Variants in CACNA1H observed in about 807,000 individuals in gnomAD.
CACNA1H encodes the protein voltage-dependent T-type calcium channel subunit alpha-1H.
In CACNA1H, 149 loss-of-function variants were observed where a neutral mutation model predicts 192.5. The ratio of observed to expected loss-of-function variants is 0.77; its 90% CI spans 0.68 to 0.89. The LOEUF is 0.89. Among genes scored for constraint, CACNA1H ranks in the 40% least tolerant of loss-of-function variants. CACNA1H has a pLI of 0.00. For synonymous variants in CACNA1H, 2,202 were observed against 1,475.2 expected, an observed-to-expected ratio of 1.49 and a Z score of -11.29; for missense variants, 4,257 against 3,423.5, an observed-to-expected ratio of 1.24 and a Z score of -6.08.
Position 1,220,218 on chromosome 16 carries a change from CCAGCCGACGAGGAGGT to C in CACNA1H, c.6292_6307del (p.Asp2098ThrfsTer85). 6.3e-7 allele frequency: 1 copy of C among 1,575,016 alleles called. No homozygotes were observed. The highest frequency in any genetic ancestry group is 8.6e-7 in the Non-Finnish European group (1 of 1,165,352). ...CGGAGAGGAGGCCGAGGCCTCGGAC[CCAGCCGACGAGGAGGT>C]CAGCCACATCACCAGCTCCGCCTGC... On this transcript the variant is annotated frameshift_variant, in exon 35 of 35. Coordinates refer to ENST00000348261, the MANE Select transcript of CACNA1H (RefSeq NM_021098.3). LOFTEE classifies it low-confidence loss of function (END_TRUNC).
intron 2 of CACNA1H, among the ~76,000 whole-genome samples, chr16:1,168,683 G>A (rs531103618): frequency 6.6e-6 from 1 of 152,178 alleles, no homozygotes; most frequent in South Asian, 2.1e-4. Flanking sequence ...GAGCCTGCTG[G>A]GCCCCACTCA....
intron 2 of CACNA1H, chr16:1,159,632 C>T (rs1165520017): frequency 6.6e-6 from 1 of 152,192 alleles, no homozygotes; most frequent in African/African-American, 2.4e-5. Flanking sequence ...ACAACTGCTC[C>T]TTAGGGAGGG....
chr16:1,173,563 C>T (rs1239899784), intron 2 of CACNA1H, among the ~76,000 whole-genome samples: 1 of 152,230 alleles, frequency 6.6e-6, no homozygotes, highest in South Asian at 2.1e-4. Context: ...ATAACACGTC[C>T]TTTTATGGAA....
chr16:1,204,056 C>A lies in CACNA1H; in HGVS notation c.2049C>A (p.Cys683Ter). ...ATCTGTCGGGCCTCAGTGTGCCCTG[C>A]CCCCTGCCCAGCCCCCCAGCGGGCA... ...PGHLSGLSVP[C>*]PLPSPPAGTL... Residue 683 changes from cysteine to a stop codon, truncating the protein, a stop_gained, in exon 10 of 35, where the codon TGC becomes TGA. Coordinates refer to ENST00000348261, the MANE Select transcript of CACNA1H (RefSeq NM_021098.3). LOFTEE classifies it high-confidence loss of function. 1 of 1,592,736 alleles carries A rather than the reference C, an allele frequency of 6.3e-7. No homozygotes were observed.
At chr16:1,190,677 C>T (rs1371828291) in intron 2 of CACNA1H, among the ~76,000 whole-genome samples, 2 of 152,268 alleles carry the variant, frequency 1.3e-5, no homozygotes, top group African/African-American at 2.4e-5. Flanking sequence ...ATACCACCGT[C>T]CCCTCCAGAG....
intron 17 of CACNA1H, 89 bp downstream of exon 17, chr16:1,209,501 G>C: frequency 6.7e-7 from 1 of 1,502,194 alleles, no homozygotes; most frequent in Admixed American, 1.8e-5. Context: ...GGGATTCAGG[G>C]CGTGTTGTTG....
chr16:1,175,643 A>C (rs2151730211), intron 2 of CACNA1H, among the ~76,000 whole-genome samples: 1 of 152,308 alleles, frequency 6.6e-6, no homozygotes, highest in Admixed American at 6.5e-5. Flanking sequence ...CGAGAATCTG[A>C]AGCGGTCCCT....
chr16:1,210,212 G>C, intron 18 of CACNA1H, 77 bp downstream of exon 18: 1 of 1,317,794 alleles, frequency 7.6e-7, no homozygotes, highest in Non-Finnish European at 1.1e-6. Flanking sequence ...CTCCTGGGTG[G>C]GGCTAGCACA....
At chr16:1,207,718 G>A (rs899282096) in intron 14 of CACNA1H, 52 bp from the exon 15 acceptor site, 12 of 1,468,554 alleles carry the variant, frequency 8.2e-6, no homozygotes, top group Middle Eastern at 1.7e-4. Context: ...CGGCATGAAG[G>A]GTCCCCACTC....
At position 1,220,969 on chromosome 16, in the gene CACNA1H, G is replaced by A. The variant is rs765057432; in HGVS notation, c.7037G>A (p.Gly2346Glu). The change falls in exon 35 of 35, where the codon GGG (glycine) becomes GAG (glutamate). Residue 2346 changes from glycine to glutamate, a missense_variant. Coordinates refer to ENST00000348261, the MANE Select transcript of CACNA1H (RefSeq NM_021098.3). Reference protein sequence around the residue: ...PGSPSATPAPGGGADDPV With the variant: ...PGSPSATPAPEGGADDPV Reference sequence around the variant, plus strand: ...TCCCCCTCAGCCACCCCTGCCCCAGGGGGTGGTGCAGATGACCCCGTGTAG... The same window carrying A: ...TCCCCCTCAGCCACCCCTGCCCCAGAGGGTGGTGCAGATGACCCCGTGTAG... 5.6e-6 allele frequency: 9 copies of A among 1,601,258 alleles called. No homozygotes were observed. The highest frequency in any genetic ancestry group is 1.3e-5 in the African/African-American group (1 of 74,324).
Position 1,221,096 on chromosome 16 carries a change from G to A in CACNA1H, c.*102G>A, listed in dbSNP as rs61494955. On this transcript the variant is annotated 3_prime_UTR_variant, in exon 35 of 35. Transcript: ENST00000348261. ...CTGCATGGACCCTGACTTGGGTCCC[G>A]TCGTGAGCAGAAAGGCCCGGGGAGG... The A allele has an allele frequency of 2.0e-4, 183 of 898,104 alleles. No individual in the cohort carries two copies. The African/African-American group carries it at 2.2e-3, about 11-fold the overall frequency. 55.6% of individuals were successfully genotyped at this position (898,104 alleles called of 1,614,324 possible). A position where few individuals can be genotyped will look rare whatever the true frequency, so the allele number is the denominator to read the frequency against.
chr16:1,153,163 C>A lies in CACNA1H; in HGVS notation c.-326C>A. ...GCTCGAGGCTCGCTCGCTGCCTCAC[C>A]GGTCCCCGGCCCGCGCCCCGCGCCC... On this transcript the variant is annotated 5_prime_UTR_variant, in exon 1 of 35. Transcript: ENST00000348261. 6.9e-6 allele frequency: 1 copy of A among 144,968 alleles called. No individual in the cohort carries two copies. The highest frequency in any genetic ancestry group is 1.9e-4 in the South Asian group (1 of 5,396). The allele number at this position is 144,968 out of a possible 1,614,324, so 9.0% of individuals were successfully genotyped here.
rs995882071 is a variant in CACNA1H at position 1,220,947 on chromosome 16, C to G, written c.7015C>G (p.Pro2339Ala). 11 of 1,606,792 alleles carry G rather than the reference C, an allele frequency of 6.8e-6. No individual in the cohort carries two copies. In the African/African-American group the frequency reaches 1.5e-4, roughly 22 times the overall value. The change falls in exon 35 of 35, where the codon CCC becomes GCC. Residue 2339 changes from proline to alanine, a missense_variant. Transcript: ENST00000348261. ...PQCPLEKPGS[P>A]SATPAPGGGA... ...GTGTCCTCTGGAGAAACCAGGGTCC[C>G]CCTCAGCCACCCCTGCCCCAGGGGG...
intron 2 of CACNA1H, among the ~76,000 whole-genome samples, chr16:1,158,784 TCCTGCCCCGCCGCACCC>T (rs1962782093): frequency 6.6e-6 from 1 of 151,516 alleles, no homozygotes; most frequent in African/African-American, 2.4e-5. Flanking sequence ...CCACAACCGC[TCCTGCCCCGCCGCACCC>T]CCGGCCCCGC....
chr16:1,214,985 C>T lies in CACNA1H; in HGVS notation c.4943C>T (p.Ala1648Val), dbSNP rs1381962244. The T allele has an allele frequency of 1.8e-5, 29 of 1,609,308 alleles. No individual in the cohort carries two copies. Among genetic ancestry groups the T allele is most frequent in the Non-Finnish European group, 2.4e-5 (28 of 1,177,810 alleles). The change falls in exon 28 of 35, where the codon GCC becomes GTC. Residue 1648 changes from alanine to valine, a missense_variant. Coordinates refer to ENST00000348261, the MANE Select transcript of CACNA1H (RefSeq NM_021098.3). ...HYNQPKSLDE[A>V]LKYCNYVFTI... ...CTCCACCCCCAGTCGCTGGACGAGG[C>T]CCTCAAGTACTGCAACTACGTCTTC...
intron 2 of CACNA1H, among the ~76,000 whole-genome samples, chr16:1,184,368 T>C (rs938634043): frequency 6.6e-6 from 1 of 152,166 alleles, no homozygotes; most frequent in Non-Finnish European, 1.5e-5. Context: ...CAGGGGTGAA[T>C]GGGGCCAGCA....
At chr16:1,162,893 C>G (rs1387652906) in intron 2 of CACNA1H, among the ~76,000 whole-genome samples, 2 of 152,206 alleles carry the variant, frequency 1.3e-5, no homozygotes, top group Non-Finnish European at 1.5e-5. Flanking sequence ...GAGCAGAGGT[C>G]AGTGGCCCCA....
At chr16:1,159,306 C>T (rs1962871405) in intron 2 of CACNA1H, among the ~76,000 whole-genome samples, 2 of 151,804 alleles carry the variant, frequency 1.3e-5, no homozygotes, top group South Asian at 4.1e-4. Context: ...CCGGTGGGCA[C>T]AGGAGCCTGT....
intron 2 of CACNA1H, among the ~76,000 whole-genome samples, chr16:1,182,697 C>T (rs1292282603): frequency 1.3e-5 from 2 of 152,080 alleles, no homozygotes; most frequent in African/African-American, 4.8e-5. Flanking sequence ...TCAGAGCAGA[C>T]TGGGGGTTGG....
Sources: gnomAD v4.1 joint callset for allele counts (sites outside exome capture counted in the v4.1 genomes callset) on GRCh38, gnomAD v4.1.1 for gene constraint, MANE v1.5 for transcripts, NCBI Gene and HGNC (gene_info 2026-07-23, HGNC 2026-07-21) for gene names.